C9orf78: variants seen among roughly 807,000 people sequenced by gnomAD.
C9orf78 encodes chromosome 9 open reading frame 78.
In C9orf78, 19 loss-of-function variants were observed where a neutral mutation model predicts 37.4. That is an observed-to-expected ratio of 0.51 (90% CI 0.35 to 0.74). The LOEUF is 0.74. C9orf78 is among the 30% of genes least tolerant of loss of function. The probability of loss-of-function intolerance (pLI) is 0.01; values close to 1 mark genes in which losing one functional copy is unlikely to be tolerated. For missense variants in C9orf78, 291 were observed against 370.8 expected, an observed-to-expected ratio of 0.78 and a Z score of 1.77; for synonymous variants, 130 against 128.0, an observed-to-expected ratio of 1.02 and a Z score of -0.10.
intron 1 of C9orf78, 32 bp from the exon 2 acceptor site, chr9:129,834,798 A>C (rs762722188): frequency 6.6e-7 from 1 of 1,522,630 alleles, no homozygotes; most frequent in African/African-American, 1.4e-5. Context: ...GCAATGCATA[A>C]GCTGAGTGAT....
chr9:129,835,235 G>A lies in C9orf78; in HGVS notation c.-14C>T, dbSNP rs767064494. 2.7e-5 allele frequency: 43 copies of A among 1,591,782 alleles called. No individual in the cohort carries two copies. Among genetic ancestry groups the A allele is most frequent in the South Asian group, 4.4e-5 (4 of 90,688 alleles). On this transcript the variant is annotated 5_prime_UTR_variant, in exon 1 of 9. Coordinates refer to ENST00000372447, the MANE Select transcript of C9orf78 (RefSeq NM_016520.3). Reference sequence around the variant, plus strand: ...GACGACCGGCATGGTGACAACGGCCGAGTTGTACAGCCGCCGCGCCTCTGC... The same window carrying A: ...GACGACCGGCATGGTGACAACGGCCAAGTTGTACAGCCGCCGCGCCTCTGC...
intron 2 of C9orf78, 131 bp from the exon 3 acceptor site, chr9:129,833,840 A>T (rs1295398867): frequency 1.5e-6 from 1 of 665,786 alleles, no homozygotes; most frequent in Non-Finnish European, 2.6e-6. Flanking sequence ...TGGGTAGGCA[A>T]GCCGGCTGGA....
chr9:129,832,480 C>T (rs2031526176), intron 4 of C9orf78, among the ~76,000 whole-genome samples: 1 of 152,128 alleles, frequency 6.6e-6, no homozygotes, highest in Non-Finnish European at 1.5e-5. Context: ...ACTCTGTCAC[C>T]CAGGCTGAAG....
chr9:129,834,624 G>T, intron 2 of C9orf78, 83 bp downstream of exon 2: 1 of 923,408 alleles, frequency 1.1e-6, no homozygotes. Context: ...ATCTACGTCT[G>T]AGGAGATATT....
At chr9:129,834,419 T>C (rs981269961) in intron 2 of C9orf78, 1 of 410,878 alleles carries the variant, frequency 2.4e-6, no homozygotes, top group Non-Finnish European at 4.3e-6. Flanking sequence ...TTCTAAATTA[T>C]ACAAACTCTT....
rs148302016 is a variant in C9orf78, at chr9:129,835,186, C to T, written c.36G>A (p.Arg12=). 2 of 1,610,430 alleles carry T rather than the reference C, an allele frequency of 1.2e-6. No homozygotes were observed. Among genetic ancestry groups the T allele is most frequent in the Non-Finnish European group, 1.7e-6 (2 of 1,178,900 alleles). The change falls in exon 1 of 9, where the codon CGG becomes CGA. Residue 12 remains arginine, a synonymous_variant. Coordinates refer to ENST00000372447, the MANE Select transcript of C9orf78 (RefSeq NM_016520.3). ...PVVRKIFRRR[R]GDSESEEDEQ... ...CATCTTCCTCTGACTCCGAGTCGCC[C>T]CGGCGGCGACGGAAAATCTTCCGGA...
At chr9:129,833,098 C>A (rs1326484545) in intron 4 of C9orf78, among the ~76,000 whole-genome samples, 1 of 139,202 alleles carries the variant, frequency 7.2e-6, no homozygotes, top group Non-Finnish European at 1.6e-5. Flanking sequence ...TGTATACATA[C>A]ACACTTTTTT....
rs2031363740 is a variant in C9orf78 at position 129,827,388 on chromosome 9, G to C, written c.*773C>G. ...CAAACAAGTAATTTTGTAAAAGTCA[G>C]AAAACACCAGTATCCTTCTGATCTC... On this transcript the variant is annotated 3_prime_UTR_variant, in exon 9 of 9. Transcript: ENST00000372447. 1 of 151,928 alleles carries C rather than the reference G, an allele frequency of 6.6e-6. No homozygotes were observed. Among genetic ancestry groups the C allele is most frequent in the Admixed American group, 6.6e-5 (1 of 15,220 alleles). 9.4% of individuals were successfully genotyped at this position (151,928 alleles called of 1,614,324 possible).
Position 129,834,736 on chromosome 9 carries a change from C to T in C9orf78, c.114G>A (p.Gln38=). The T allele has an allele frequency of 6.2e-7, 1 of 1,612,576 alleles. No individual in the cohort carries two copies. Among genetic ancestry groups the T allele is most frequent in the Non-Finnish European group, 8.5e-7 (1 of 1,178,882 alleles). ...RLKLEETREV[Q]NLRKRPNGVS... is the part of the protein sequence containing the mutation. ...CCCCGTTGGGCCTCTTCCTCAAGTTCTGTACCTCTCTGGTCTCTTCCAGTT... is the reference window on the plus strand; with the variant it reads ...CCCCGTTGGGCCTCTTCCTCAAGTTTTGTACCTCTCTGGTCTCTTCCAGTT... Residue 38 remains glutamine (Q), a synonymous_variant, in exon 2 of 9, where the codon CAG becomes CAA. Transcript: ENST00000372447.
At chr9:129,832,681 C>T (rs1004231897) in intron 4 of C9orf78, among the ~76,000 whole-genome samples, 4 of 152,210 alleles carry the variant, frequency 2.6e-5, no homozygotes, top group East Asian at 1.9e-4. Flanking sequence ...TCAGGTAATC[C>T]GCCTGCCTCA....
intron 1 of C9orf78, 37 bp downstream of exon 1, chr9:129,835,102 C>T: frequency 6.6e-7 from 1 of 1,517,482 alleles, no homozygotes; most frequent in Non-Finnish European, 9.2e-7. Flanking sequence ...ACAAGTCTAT[C>T]TTTACCAAGC....
chr9:129,835,040 G>A, intron 1 of C9orf78, 99 bp downstream of exon 1: 3 of 983,158 alleles, frequency 3.1e-6, no homozygotes, highest in Non-Finnish European at 4.8e-6. Context: ...CACCACCCGA[G>A]CTCACAGTTA....
chr9:129,828,071 GC>G lies in C9orf78; in HGVS notation c.*89del. 1.4e-6 allele frequency: 1 copy of G among 720,092 alleles called. No homozygotes were observed. Among genetic ancestry groups the G allele is most frequent in the African/African-American group, 1.8e-5 (1 of 56,800 alleles). The allele number at this position is 720,092 out of a possible 1,614,324, so 44.6% of individuals were successfully genotyped here. A position where few individuals can be genotyped will look rare whatever the true frequency, so the allele number is the denominator to read the frequency against. On this transcript the variant is annotated 3_prime_UTR_variant, in exon 9 of 9. Coordinates refer to ENST00000372447, the MANE Select transcript of C9orf78 (RefSeq NM_016520.3). ...GCCTCCCAAAGTGCTGGGATTACAG[GC>G]AGGAGCCACCACGCCCGGCCAGGAA...
chr9:129,831,584 C>A, intron 5 of C9orf78: 1 of 274,542 alleles, frequency 3.6e-6, no homozygotes, highest in Non-Finnish European at 7.0e-6. Context: ...ACTACCACAC[C>A]CAGCTAATTT....
At position 129,828,210 on chromosome 9, in the gene C9orf78, G is replaced by C; in HGVS notation, c.821C>G (p.Thr274Ser). 1 of 1,608,274 alleles carries C rather than the reference G, an allele frequency of 6.2e-7. No homozygotes were observed. The highest frequency in any genetic ancestry group is 8.5e-7 in the Non-Finnish European group (1 of 1,175,482). ...NRKRPANEKA[T>S]DDYHYEKFKK... ...GAACTTCTCATAATGATAGTCATCA[G>C]TTGCCTTCTCGTTAGCAGGACGCTT... Residue 274 changes from threonine (T) to serine (S), a missense_variant, in exon 9 of 9, where the codon ACT becomes AGT. Thr to Ser is a moderately conservative substitution (Grantham distance 58). This residue lies in a region of C9orf78 where 120 missense variants were observed against 148.7 expected (regional missense o/e 0.81). Transcript: ENST00000372447.
At chr9:129,831,501 C>T (rs942754301) in intron 5 of C9orf78, 9 of 235,620 alleles carry the variant, frequency 3.8e-5, no homozygotes, top group Non-Finnish European at 6.7e-5. Context: ...CTTGGCTCGC[C>T]GCAAGCTCTG....
intron 6 of C9orf78, 117 bp from the exon 7 acceptor site, chr9:129,829,658 G>C: frequency 1.2e-6 from 1 of 822,308 alleles, no homozygotes; most frequent in South Asian, 1.7e-5. Flanking sequence ...CTGGGGCACA[G>C]CTCTCCACTT....
At chr9:129,833,140 T>G (rs1222867214) in intron 4 of C9orf78, among the ~76,000 whole-genome samples, 2 of 149,666 alleles carry the variant, frequency 1.3e-5, no homozygotes, top group Admixed American at 6.7e-5. Context: ...TCTCACTATG[T>G]TGCCCAGGCT....
At chr9:129,828,538 C>G (rs971075922) in intron 8 of C9orf78, 2 of 269,624 alleles carry the variant, frequency 7.4e-6, no homozygotes, top group African/African-American at 2.3e-5. Context: ...ATTCTCCTGC[C>G]TCAGCCTCCT....
Sources: gnomAD v4.1 joint callset for allele counts (sites outside exome capture counted in the v4.1 genomes callset) on GRCh38, gnomAD v4.1.1 for gene constraint, gnomAD v4.1.1 regional missense constraint, MANE v1.5 for transcripts, NCBI Gene and HGNC (gene_info 2026-07-23, HGNC 2026-07-21) for gene names.